TECPR2: variants seen among roughly 807,000 people sequenced by gnomAD.
The protein encoded by TECPR2 is tectonin beta-propeller repeat containing 2.
A neutral mutation model predicts 138.1 loss-of-function variants in TECPR2; 65 were observed. The observed-to-expected ratio is 0.47, with a 90% confidence interval of 0.39 to 0.58. The LOEUF is 0.58. Among genes scored for constraint, TECPR2 ranks in the 20% least tolerant of loss-of-function variants. The pLI, the probability that TECPR2 is intolerant of heterozygous loss-of-function variation, is 0.00. For missense variants in TECPR2, 1,553 were observed against 1,824.5 expected (o/e 0.85, Z 2.71); for synonymous variants, 746 against 749.8 (o/e 0.99, Z 0.08).
At chr14:102,429,992 A>G (rs1474179889) in intron 7 of TECPR2, among the ~76,000 whole-genome samples, 2 of 152,010 alleles carry the variant, frequency 1.3e-5, no homozygotes, top group Non-Finnish European at 2.9e-5. Context: ...TTTGAGACAG[A>G]GTCTTGCTCT....
chr14:102,500,772 A>T lies in TECPR2; in HGVS notation c.*2515A>T, dbSNP rs1014292977. ...ATAGGTGTAGCTTGATTTCAGTTCA[A>T]ATCCCCACTGGGATTGTTTTGTTGG... On this transcript the variant is annotated 3_prime_UTR_variant, in exon 20 of 20. Transcript: ENST00000359520. 6.6e-6 allele frequency: 1 copy of T among 152,266 alleles called. No individual in the cohort carries two copies. The highest frequency in any genetic ancestry group is 1.5e-5 in the Non-Finnish European group (1 of 68,044). 9.4% of individuals were successfully genotyped at this position (152,266 alleles called of 1,614,324 possible). A position where few individuals can be genotyped will look rare whatever the true frequency, so the allele number is the denominator to read the frequency against.
chr14:102,414,586 A>G (rs981466897), intron 4 of TECPR2, 50 bp from the exon 5 acceptor site: 7 of 1,604,284 alleles, frequency 4.4e-6, no homozygotes, highest in South Asian at 2.2e-5. Context: ...AGGGAGGTCC[A>G]TTCTTTAGCC....
rs375090126 is a variant in TECPR2, at chr14:102,495,837, T to A, written c.3790-1142T>A. On this transcript the variant is annotated intron_variant, in intron 17 of 19. Coordinates refer to ENST00000359520, the MANE Select transcript of TECPR2 (RefSeq NM_014844.5). ...TCATCAGCCCACAGTTAGGGGCCCC[T>A]GCCCAGAGCAGCCGGCGGGTGAGGA... Among the ~76,000 whole-genome samples the A allele has an allele frequency of 2.0e-5, 3 of 152,140 alleles. No individual in the cohort carries two copies. The East Asian group carries it at 5.8e-4, about 29-fold the overall frequency.
chr14:102,437,880 G>C, intron 9 of TECPR2, 142 bp from the exon 10 acceptor site: 1 of 923,966 alleles, frequency 1.1e-6, no homozygotes, highest in Non-Finnish European at 1.6e-6. Flanking sequence ...AGCAGGGGTT[G>C]GGAGAAGGGT....
rs1219515960 is a variant in TECPR2, at chr14:102,411,698, T to TAAAAAA, written c.481-2938_481-2937insAAAAAA. On this transcript the variant is annotated intron_variant, in intron 4 of 19. Coordinates refer to ENST00000359520, the MANE Select transcript of TECPR2 (RefSeq NM_014844.5). ...CAGGTGAAATAAACAGCCATGTTGC[T>TAAAAAA]CAAAAAAAAAAAAAAAAAAAAAAAA... Among the ~76,000 whole-genome samples, 11 of 9,686 alleles carry TAAAAAA rather than the reference T, an allele frequency of 1.1e-3. 1 individual carries two copies. The highest frequency in any genetic ancestry group is 1.7e-3 in the Admixed American group (1 of 600). The allele number at this position is 9,686 out of a possible 152,430, so 6.4% of individuals were successfully genotyped here. A position where few individuals can be genotyped will look rare whatever the true frequency, so the allele number is the denominator to read the frequency against.
chr14:102,471,541 CAA>C (rs879723281), intron 17 of TECPR2, among the ~76,000 whole-genome samples: 1 of 138,686 alleles, frequency 7.2e-6, no homozygotes, highest in African/African-American at 2.6e-5. Context: ...TCATCTCTAC[CAA>C]AAAAAAAAAA....
At chr14:102,423,947 A>T (rs1889248430) in intron 5 of TECPR2, among the ~76,000 whole-genome samples, 1 of 152,208 alleles carries the variant, frequency 6.6e-6, no homozygotes, top group African/African-American at 2.4e-5. Context: ...CAGGGAAAGG[A>T]TGAGCAGACC....
In TECPR2 at chr14:102,362,965, C is replaced by T; in HGVS notation, c.-224C>T. The stretch of plus-strand genomic sequence containing the variant: ...CACTTGTGGCTCTGCCGCTCTAGCC[C>T]CCGGCGGAGCCAGCTGCTGCTCTTC... On this transcript the variant is annotated 5_prime_UTR_variant, in exon 1 of 20. Transcript: ENST00000359520. 7.2e-7 allele frequency: 1 copy of T among 1,386,924 alleles called. No individual in the cohort carries two copies. The highest frequency in any genetic ancestry group is 1.0e-6 in the Non-Finnish European group (1 of 998,522). 85.9% of individuals were successfully genotyped at this position (1,386,924 alleles called of 1,614,324 possible).
At chr14:102,430,567 G>A (rs921112214) in intron 7 of TECPR2, among the ~76,000 whole-genome samples, 28 of 152,196 alleles carry the variant, frequency 1.8e-4, no homozygotes, top group African/African-American at 6.3e-4. Context: ...GAGGATCCCC[G>A]ATAAAGAGAG....
intron 8 of TECPR2, among the ~76,000 whole-genome samples, chr14:102,433,084 T>C (rs1434844178): frequency 6.6e-6 from 1 of 151,986 alleles, no homozygotes; most frequent in Non-Finnish European, 1.5e-5. Context: ...GGGTGGAAAG[T>C]TGTGGAAACC....
At chr14:102,452,237 C>T (rs769534412) in intron 15 of TECPR2, among the ~76,000 whole-genome samples, 157 bp from the exon 16 acceptor site, 2 of 152,236 alleles carry the variant, frequency 1.3e-5, no homozygotes, top group Admixed American at 6.5e-5. Context: ...TAAAGTGCTA[C>T]ACCGCTCCTG....
chr14:102,424,861 C>A, intron 5 of TECPR2, 118 bp from the exon 6 acceptor site: 3 of 1,037,564 alleles, frequency 2.9e-6, no homozygotes, highest in Non-Finnish European at 4.2e-6. Flanking sequence ...GGTGAAAAAT[C>A]AATTATTGTC....
Position 102,434,560 on chromosome 14 carries a change from G to C in TECPR2, c.1743G>C (p.Leu581=). Residue 581 remains leucine (L), a synonymous_variant, in exon 9 of 20, where the codon CTG becomes CTC. Transcript: ENST00000359520. The part of the protein sequence containing the change: ...PHCHHAHGRE[L]LNGAREDVGG... ...GTCACCATGCACATGGGCGGGAGCT[G>C]CTCAATGGAGCGAGGGAAGATGTGG... is the stretch of plus-strand genomic sequence containing the variant. 1 of 1,557,038 alleles carries C rather than the reference G, an allele frequency of 6.4e-7. No individual in the cohort carries two copies. Among genetic ancestry groups the C allele is most frequent in the Non-Finnish European group, 8.7e-7 (1 of 1,147,836 alleles).
At chr14:102,392,106 A>G (rs988342875) in intron 2 of TECPR2, among the ~76,000 whole-genome samples, 40 of 152,242 alleles carry the variant, frequency 2.6e-4, no homozygotes, top group African/African-American at 8.9e-4. Flanking sequence ...CTCCTGCCTC[A>G]GCCTCCCAAG....
In TECPR2 at chr14:102,458,282, C is replaced by T. The variant is rs1286991941; in HGVS notation, c.3640+5655C>T. ...TCCCTGCTTCTGGACCTCTGCTTCC[C>T]TCCCACCACTGTCAGGGTGGAGCCC... On this transcript the variant is annotated intron_variant, in intron 16 of 19. Transcript: ENST00000359520. 2.6e-5 allele frequency among the ~76,000 whole-genome samples: 4 copies of T among 152,206 alleles called. No homozygotes were observed. The South Asian group carries it at 6.2e-4, about 24-fold the overall frequency.
At chr14:102,412,049 A>G (rs1209791473) in intron 4 of TECPR2, among the ~76,000 whole-genome samples, 1 of 148,926 alleles carries the variant, frequency 6.7e-6, no homozygotes, top group African/African-American at 2.5e-5. Context: ...CCCATGTTGG[A>G]TTTTGTAACA....
At chr14:102,374,027 G>A (rs1258062859) in intron 1 of TECPR2, among the ~76,000 whole-genome samples, 2 of 146,092 alleles carry the variant, frequency 1.4e-5, no homozygotes, top group African/African-American at 2.6e-5. Flanking sequence ...AGCCGAGATC[G>A]CACCACCGCA....
chr14:102,365,518 C>G (rs1887321594), intron 1 of TECPR2, among the ~76,000 whole-genome samples: 1 of 152,174 alleles, frequency 6.6e-6, no homozygotes, highest in Non-Finnish European at 1.5e-5. Context: ...CCTGTCTACA[C>G]AATGGAAGGC....
intron 10 of TECPR2, chr14:102,438,407 T>C: frequency 1.6e-6 from 1 of 608,648 alleles, no homozygotes. Context: ...TGGATGTCAA[T>C]TCGTAGTGTA....
Sources: gnomAD v4.1 joint callset for allele counts (sites outside exome capture counted in the v4.1 genomes callset) on GRCh38, gnomAD v4.1.1 for gene constraint, MANE v1.5 for transcripts, NCBI Gene and HGNC (gene_info 2026-07-23, HGNC 2026-07-21) for gene names.